The following ATG2B variants were observed in gnomAD, a reference collection of about 807,000 sequenced individuals.
ATG2B encodes the protein autophagy-related protein 2 homolog B.
Under a neutral mutation model 241.3 loss-of-function variants are expected in ATG2B, and 121 were observed. The ratio of observed to expected loss-of-function variants is 0.50; its 90% CI spans 0.43 to 0.58. ATG2B has a LOEUF of 0.58. ATG2B is among the 20% of genes least tolerant of loss of function. ATG2B has a pLI of 0.00. For synonymous variants in ATG2B, 858 were observed against 876.6 expected (o/e 0.98, Z 0.37); for missense variants, 2,306 against 2,491.6 (o/e 0.93, Z 1.59).
In ATG2B at chr14:96,295,727, C is replaced by CCA. The variant is rs59902412; in HGVS notation, c.5140-169_5140-168dup. ...GTCATTATTCCTATTCTTCCCCCCACCACACACACACACACACACACACAC... is the reference window on the plus strand; with the variant it reads ...GTCATTATTCCTATTCTTCCCCCCACCACACACACACACACACACACACACAC... On this transcript the variant is annotated intron_variant, in intron 34 of 41. Coordinates refer to ENST00000359933, the MANE Select transcript of ATG2B (RefSeq NM_018036.7). Among the ~76,000 whole-genome samples the CCA allele has an allele frequency of 3.3e-3, 481 of 145,858 alleles. 2 individuals carry two copies. Among genetic ancestry groups the CCA allele is most frequent in the South Asian group, 0.014 (65 of 4,568 alleles).
At chr14:96,325,495 A>G (rs1226426405) in intron 15 of ATG2B, among the ~76,000 whole-genome samples, 154 bp downstream of exon 15, 1 of 152,176 alleles carries the variant, frequency 6.6e-6, no homozygotes, top group Non-Finnish European at 1.5e-5. Context: ...ATATTTGCAT[A>G]CAATACTAGA....
chr14:96,342,459 C>T (rs1041618588), intron 5 of ATG2B, among the ~76,000 whole-genome samples: 6 of 152,096 alleles, frequency 3.9e-5, no homozygotes, highest in Admixed American at 6.5e-5. Context: ...TGGTGGCTCA[C>T]GCCTGTAATC....
rs185019550 is a variant in ATG2B at position 96,329,548 on chromosome 14, T to C, written c.1817A>G (p.Gln606Arg). The change falls in exon 12 of 42, where the codon CAA becomes CGA. Residue 606 changes from glutamine (Q) to arginine (R), a missense_variant. Coordinates refer to ENST00000359933, the MANE Select transcript of ATG2B (RefSeq NM_018036.7). Reference protein sequence around the residue: ...RYFSTDMSIGQMEFLECLFPT... With the variant: ...RYFSTDMSIGRMEFLECLFPT... ...AAATAGGCACTCCAAAAATTCCATT[T>C]GCCCAATGGACATATCAGTACTAAA... is the stretch of plus-strand genomic sequence containing the variant. The C allele has an allele frequency of 1.1e-4, 172 of 1,611,962 alleles. No individual in the cohort carries two copies. The African/African-American group carries it at 2.2e-3, about 21-fold the overall frequency.
In ATG2B at chr14:96,304,793, C is replaced by T. The variant is rs3742474; in HGVS notation, c.4734-190G>A. ...TCTGTAGACACTGAAACACGCGTTT[C>T]ATTATTGCCATTAGAGTAATCACCT... is the stretch of plus-strand genomic sequence containing the variant. On this transcript the variant is annotated intron_variant, in intron 31 of 41. Transcript: ENST00000359933. 0.26 allele frequency among the ~76,000 whole-genome samples: 38,927 copies of T among 151,902 alleles called. 5,225 individuals carry two copies. Among genetic ancestry groups the T allele is most frequent in the Non-Finnish European group, 0.28 (19,017 of 67,954 alleles).
rs1886310364 is a variant in ATG2B, at chr14:96,285,523, G to C, written c.*232C>G. The stretch of plus-strand genomic sequence containing the variant: ...GCCTTCCACTAACTTGGCAGCAAAT[G>C]CTTTAAGGACCTTTGACACCAGCCA... On this transcript the variant is annotated 3_prime_UTR_variant, in exon 42 of 42. Coordinates refer to ENST00000359933, the MANE Select transcript of ATG2B (RefSeq NM_018036.7). This position sits in a 1 kb window ranked among gnomAD's most constrained non-coding sequence, Gnocchi z 4.2. The C allele has an allele frequency of 1.9e-6, 1 of 540,260 alleles. No individual in the cohort carries two copies. Among genetic ancestry groups the C allele is most frequent in the African/African-American group, 1.9e-5 (1 of 52,826 alleles). 33.5% of individuals were successfully genotyped at this position (540,260 alleles called of 1,614,324 possible).
rs1451496996 is a variant in ATG2B, at chr14:96,282,746, C to T, written c.*3009G>A. On this transcript the variant is annotated 3_prime_UTR_variant, in exon 42 of 42. Coordinates refer to ENST00000359933, the MANE Select transcript of ATG2B (RefSeq NM_018036.7). The stretch of plus-strand genomic sequence containing the variant: ...ACTCTTTTGGAAATGAACAAAGACA[C>T]TAAACCTACAGAACATCGTTTTTAA... The T allele has an allele frequency of 6.6e-6, 1 of 152,224 alleles. No individual in the cohort carries two copies. The highest frequency in any genetic ancestry group is 1.5e-5 in the Non-Finnish European group (1 of 68,032). 9.4% of individuals were successfully genotyped at this position (152,224 alleles called of 1,614,324 possible). A position where few individuals can be genotyped will look rare whatever the true frequency, so the allele number is the denominator to read the frequency against.
chr14:96,350,788 T>C (rs1372283830), intron 1 of ATG2B, among the ~76,000 whole-genome samples: 2 of 152,160 alleles, frequency 1.3e-5, no homozygotes, highest in South Asian at 2.1e-4. Context: ...TCCTAAAGAC[T>C]TTCCCAGTAG....
intron 6 of ATG2B, among the ~76,000 whole-genome samples, chr14:96,335,950 ACTTT>A (rs1437490184): frequency 6.6e-6 from 1 of 152,186 alleles, no homozygotes; most frequent in Non-Finnish European, 1.5e-5. Context: ...AGTACTTACT[ACTTT>A]CTTTTGAAAA....
chr14:96,356,518 A>G (rs961575112), intron 1 of ATG2B, among the ~76,000 whole-genome samples: 4 of 152,186 alleles, frequency 2.6e-5, no homozygotes, highest in African/African-American at 9.7e-5. Flanking sequence ...TGGCTCATAG[A>G]ACAAGCTTTT....
chr14:96,315,706 T>C (rs905141743), intron 21 of ATG2B, 123 bp from the exon 22 acceptor site: 16 of 708,714 alleles, frequency 2.3e-5, no homozygotes, highest in Admixed American at 1.1e-4. Context: ...GGAGGCATGA[T>C]GACAAAAACC....
At chr14:96,288,558 T>A (rs141900603) in intron 41 of ATG2B, among the ~76,000 whole-genome samples, 1 of 152,282 alleles carries the variant, frequency 6.6e-6, no homozygotes, top group East Asian at 1.9e-4. Context: ...TACCTTTATT[T>A]ATCCACTAAT....
Position 96,329,614 on chromosome 14 carries a change from T to C in ATG2B, c.1751A>G (p.Lys584Arg). The C allele has an allele frequency of 6.2e-7, 1 of 1,603,738 alleles. No homozygotes were observed. The highest frequency in any genetic ancestry group is 8.5e-7 in the Non-Finnish European group (1 of 1,171,336). Residue 584 changes from lysine (K) to arginine (R), a missense_variant, in exon 12 of 42, where the codon AAA becomes AGA. Around this residue, in one of 2 missense-constraint regions of ATG2B, gnomAD observed 1,927 missense variants for 2,011.2 expected, o/e 0.96. Transcript: ENST00000359933. ...DHLRFIGTGI[K>R]VSYEQRQRSA... is the part of the protein sequence containing the mutation. ...TCTTTGTCTTTGTTCATAGGATACTTTAATGCCAGTACCTATAAATCTATT... is the reference window on the plus strand; with the variant it reads ...TCTTTGTCTTTGTTCATAGGATACTCTAATGCCAGTACCTATAAATCTATT...
At chr14:96,302,956 G>T (rs1441614101) in intron 33 of ATG2B, 105 bp downstream of exon 33, 1 of 847,612 alleles carries the variant, frequency 1.2e-6, no homozygotes, top group Non-Finnish European at 1.7e-6. Flanking sequence ...ATTAAAATGA[G>T]AAAAGATATC....
At position 96,362,964 on chromosome 14, in the gene ATG2B, A is replaced by G. The variant is rs772845988; in HGVS notation, c.13T>C (p.Phe5Leu). MPWP[F>L]SESIKKRACR... ...GCCCTCTTCTTGATGGACTCCGAAA[A>G]CGGCCAAGGCATAGTGACTGCTGGC... Residue 5 changes from phenylalanine to leucine, a missense_variant, in exon 1 of 42, where the codon TTT becomes CTT. This residue lies in a region of ATG2B where 1,927 missense variants were observed against 2,011.2 expected (regional missense o/e 0.96). Coordinates refer to ENST00000359933, the MANE Select transcript of ATG2B (RefSeq NM_018036.7). 6.2e-7 allele frequency: 1 copy of G among 1,613,450 alleles called. No homozygotes were observed. Among genetic ancestry groups the G allele is most frequent in the Non-Finnish European group, 8.5e-7 (1 of 1,179,888 alleles).
chr14:96,349,915 T>C (rs1292830173), intron 1 of ATG2B, among the ~76,000 whole-genome samples: 2 of 152,026 alleles, frequency 1.3e-5, no homozygotes, highest in African/African-American at 4.8e-5. Context: ...ACTCCAACAC[T>C]GGGAAGCCAA....
Position 96,290,620 on chromosome 14 carries a change from G to A in ATG2B, c.5702-30C>T. 1 of 1,611,810 alleles carries A rather than the reference G, an allele frequency of 6.2e-7. No homozygotes were observed. The highest frequency in any genetic ancestry group is 8.5e-7 in the Non-Finnish European group (1 of 1,178,562). ...AACAGTCAACACAAAATCAACATCA[G>A]TGCCACAGTTCAGACTTTTCTATCA... On this transcript the variant is annotated intron_variant, in intron 39 of 41. Coordinates refer to ENST00000359933, the MANE Select transcript of ATG2B (RefSeq NM_018036.7). The surrounding 1 kb of genome is among the most constrained non-coding windows in gnomAD (Gnocchi z 4.4).
intron 15 of ATG2B, 27 bp from the exon 16 acceptor site, chr14:96,324,025 A>G (rs1275065350): frequency 8.9e-6 from 13 of 1,467,608 alleles, no homozygotes; most frequent in Non-Finnish European, 1.2e-5. Context: ...ATTTACTGAA[A>G]TGTGCTTCTT....
At chr14:96,343,458 A>C (rs1048374361) in intron 4 of ATG2B, among the ~76,000 whole-genome samples, 177 bp from the exon 5 acceptor site, 3 of 152,184 alleles carry the variant, frequency 2.0e-5, no homozygotes, top group Admixed American at 6.5e-5. Flanking sequence ...ATTTACAATA[A>C]GAAACGCACA....
chr14:96,308,237 T>TATATATATATAC (rs1887020171), intron 29 of ATG2B, among the ~76,000 whole-genome samples: 2 of 17,498 alleles, frequency 1.1e-4, no homozygotes, highest in Non-Finnish European at 2.6e-4. Context: ...TATACATATA[T>TATATATATATAC]ATATATATAT....
Sources: allele counts gnomAD v4.1 joint callset (sites outside exome capture counted in the v4.1 genomes callset), GRCh38; gene constraint gnomAD v4.1.1; regional missense constraint gnomAD v4.1.1; non-coding constraint Gnocchi (gnomAD v3.1); transcripts MANE v1.5; gene names NCBI Gene and HGNC (gene_info 2026-07-23, HGNC 2026-07-21).